The following ABCC2 variants were observed in gnomAD, a reference collection of about 807,000 sequenced individuals.
The protein encoded by ABCC2 is ATP-binding cassette sub-family C member 2.
A neutral mutation model predicts 173.4 loss-of-function variants in ABCC2; 157 were observed. That is an observed-to-expected ratio of 0.91 (90% CI 0.80 to 1.03). The LOEUF (loss-of-function observed/expected upper bound fraction) is 1.03. Ranked by LOEUF, ABCC2 falls within the 50% of genes least tolerant of loss-of-function variation. The pLI is 0.00. For missense variants in ABCC2, 1,822 were observed against 1,852.3 expected (o/e 0.98, Z 0.30); for synonymous variants, 657 against 693.5 (o/e 0.95, Z 0.83).
chr10:99,805,388 A>G lies in ABCC2; in HGVS notation c.1471A>G (p.Asn491Asp). The change falls in exon 11 of 32, where the codon AAT becomes GAT. Residue 491 changes from asparagine (N) to aspartate (D), a missense_variant. Physicochemically the swap from Asn to Asp is conservative, Grantham distance 23. Transcript: ENST00000647814. ...TTTGCTTTTTTCCTGGCAGGTCAAA[A>G]ATATGAAGAATAAAGACAAACGTTT... ...STKSKTIQVK[N>D]MKNKDKRLKI... The G allele has an allele frequency of 6.2e-7, 1 of 1,613,916 alleles. No homozygotes were observed.
intron 17 of ABCC2, among the ~76,000 whole-genome samples, chr10:99,818,179 C>T (rs180777088): frequency 2.3e-4 from 35 of 151,538 alleles, no homozygotes; most frequent in African/African-American, 7.0e-4. Flanking sequence ...GCTGAGATTG[C>T]GCCACTGCAC....
rs1564672369 is a variant in ABCC2, at chr10:99,795,767, GAA to G, written c.632+1301_632+1302del. Among the ~76,000 whole-genome samples the G allele has an allele frequency of 1.1e-3, 165 of 148,726 alleles. 2 individuals carry two copies. Among genetic ancestry groups the G allele is most frequent in the African/African-American group, 3.4e-3 (138 of 40,018 alleles). ...AGAAAGAAAGAAAGAAAGAAAGAAA[GAA>G]AGAAAGAAAGAAAGAAAGAAAGAAA... On this transcript the variant is annotated intron_variant, in intron 6 of 31. Coordinates refer to ENST00000647814, the MANE Select transcript of ABCC2 (RefSeq NM_000392.5).
intron 17 of ABCC2, 84 bp from the exon 18 acceptor site, chr10:99,818,706 T>C: frequency 6.6e-7 from 1 of 1,512,368 alleles, no homozygotes; most frequent in Non-Finnish European, 9.2e-7. Flanking sequence ...TTGAGACAAA[T>C]TTCTTCCTTT....
chr10:99,839,254 C>G (rs2038890936), intron 25 of ABCC2, among the ~76,000 whole-genome samples: 1 of 116,338 alleles, frequency 8.6e-6, no homozygotes, highest in East Asian at 2.7e-4. Context: ...CCCCACCTCC[C>G]TCCCGGACGG....
At chr10:99,794,592 T>C in intron 6 of ABCC2, 124 bp downstream of exon 6, 1 of 901,282 alleles carries the variant, frequency 1.1e-6, no homozygotes, top group Non-Finnish European at 1.7e-6. Flanking sequence ...TTGCCCAGGC[T>C]GGAGTGCAAT....
Position 99,793,546 on chromosome 10 carries a change from T to C in ABCC2, c.334-5T>C, listed in dbSNP as rs1166284298. The stretch of plus-strand genomic sequence containing the variant: ...CTTCAGAACATCATGTGAATTTCTC[T>C]CCAGCTCCTGGTTTTGCTGATCCAA... On this transcript the variant is annotated splice_polypyrimidine_tract_variant and splice_region_variant and intron_variant, in intron 3 of 31. Coordinates refer to ENST00000647814, the MANE Select transcript of ABCC2 (RefSeq NM_000392.5). The C allele has an allele frequency of 6.2e-7, 1 of 1,614,092 alleles. No homozygotes were observed. Among genetic ancestry groups the C allele is most frequent in the Non-Finnish European group, 8.5e-7 (1 of 1,179,968 alleles).
At chr10:99,839,357 C>CGG (rs2038895579) in intron 25 of ABCC2, among the ~76,000 whole-genome samples, 1 of 64,178 alleles carries the variant, frequency 1.6e-5, no homozygotes, top group Non-Finnish European at 3.2e-5. Flanking sequence ...GCTGGCTGGG[C>CGG]GGGGGGGCTG....
chr10:99,804,184 T>C lies in ABCC2; in HGVS notation c.1375T>C (p.Leu459=), dbSNP rs766754159. 1.5e-5 allele frequency: 25 copies of C among 1,613,754 alleles called. No individual in the cohort carries two copies. Among genetic ancestry groups the C allele is most frequent in the Middle Eastern group, 1.6e-4 (1 of 6,084 alleles). Residue 459 remains leucine (L), a synonymous_variant, in exon 10 of 32, where the codon TTG becomes CTG. Coordinates refer to ENST00000647814, the MANE Select transcript of ABCC2 (RefSeq NM_000392.5). ...ATCTATCTTCTTCCTATGGAGAGAG[T>C]TGGGACCCTCAGTCTTAGCAGGTGT... is the stretch of plus-strand genomic sequence containing the variant. ...VLSIFFLWRE[L]GPSVLAGVGV...
chr10:99,810,257 A>G (rs1261160479), intron 14 of ABCC2, 39 bp downstream of exon 14: 1 of 1,536,778 alleles, frequency 6.5e-7, no homozygotes, highest in Non-Finnish European at 9.0e-7. Context: ...ACTTATTCGC[A>G]GTACTGGTGC....
At chr10:99,825,836 G>A (rs771365926) in intron 19 of ABCC2, among the ~76,000 whole-genome samples, 54 of 152,178 alleles carry the variant, frequency 3.5e-4, no homozygotes, top group Admixed American at 1.0e-3. Flanking sequence ...ACTGCCGCTC[G>A]TGGCGGGGGA....
At chr10:99,783,699 T>G (rs919186268) in intron 1 of ABCC2, among the ~76,000 whole-genome samples, 1 of 152,112 alleles carries the variant, frequency 6.6e-6, no homozygotes, top group Admixed American at 6.6e-5. Flanking sequence ...AGGGATGAGA[T>G]AGCAGAGCAC....
At chr10:99,810,077 C>G (rs2038182442) in intron 13 of ABCC2, 57 bp from the exon 14 acceptor site, 1 of 1,508,796 alleles carries the variant, frequency 6.6e-7, no homozygotes, top group Non-Finnish European at 9.2e-7. Context: ...GTCAAAATCT[C>G]TCTGCTTGTG....
chr10:99,831,270 A>G (rs1452572867), intron 21 of ABCC2, among the ~76,000 whole-genome samples: 1 of 152,136 alleles, frequency 6.6e-6, no homozygotes, highest in Non-Finnish European at 1.5e-5. Context: ...CCCAGGCTGG[A>G]CTAAAACCTC....
chr10:99,799,531 G>A (rs544849962), intron 8 of ABCC2, among the ~76,000 whole-genome samples, 161 bp downstream of exon 8: 35 of 152,266 alleles, frequency 2.3e-4, no homozygotes, highest in South Asian at 4.1e-4. Context: ...CATGAAGACC[G>A]CAGGCAGTTT....
intron 1 of ABCC2, among the ~76,000 whole-genome samples, chr10:99,784,313 A>T (rs547903868): frequency 8.5e-5 from 13 of 152,250 alleles, no homozygotes; most frequent in African/African-American, 2.6e-4. Context: ...TTCATCCTAT[A>T]ATTTGGCAAA....
chr10:99,845,991 C>G (rs1337056511), intron 29 of ABCC2, among the ~76,000 whole-genome samples: 1 of 152,180 alleles, frequency 6.6e-6, no homozygotes, highest in Non-Finnish European at 1.5e-5. Flanking sequence ...CTGTATCTGA[C>G]CACTAGGTGG....
chr10:99,790,302 A>G (rs1201569107), intron 2 of ABCC2, among the ~76,000 whole-genome samples: 1 of 152,206 alleles, frequency 6.6e-6, no homozygotes, highest in African/African-American at 2.4e-5. Context: ...TCTCATATTA[A>G]TGAGGTTAAG....
intron 26 of ABCC2, among the ~76,000 whole-genome samples, chr10:99,842,764 G>A (rs911539480): frequency 2.2e-4 from 33 of 152,150 alleles, no homozygotes; most frequent in Non-Finnish European, 2.9e-5. Flanking sequence ...AAGTTAATAA[G>A]GCCTGTGGAG....
intron 19 of ABCC2, among the ~76,000 whole-genome samples, chr10:99,827,853 G>A (rs969359918): frequency 2.1e-5 from 3 of 143,614 alleles, no homozygotes; most frequent in Admixed American, 7.2e-5. Flanking sequence ...CAAGCTTACC[G>A]TACGGCTGAC....
Sources: allele counts gnomAD v4.1 joint callset (sites outside exome capture counted in the v4.1 genomes callset), GRCh38; gene constraint gnomAD v4.1.1; transcripts MANE v1.5; gene names NCBI Gene and HGNC (gene_info 2026-07-23, HGNC 2026-07-21).